The following SEMA6C variants were observed in gnomAD, a reference collection of about 807,000 sequenced individuals.
SEMA6C encodes the protein semaphorin 6C.
Under a neutral mutation model 72.9 loss-of-function variants are expected in SEMA6C, and 37 were observed. The observed-to-expected ratio is 0.51, with a 90% CI of 0.39 to 0.67. The LOEUF (loss-of-function observed/expected upper bound fraction) is 0.67. Among genes scored for constraint, SEMA6C ranks in the 30% least tolerant of loss-of-function variants. The pLI, the probability that SEMA6C is intolerant of heterozygous loss-of-function variation, is 0.00. For missense variants in SEMA6C, 1,189 were observed against 1,263.6 expected, an observed-to-expected ratio of 0.94 and a Z score of 0.89; for synonymous variants, 578 against 554.1, an observed-to-expected ratio of 1.04 and a Z score of -0.61.
chr1:151,137,986 C>T lies in SEMA6C; in HGVS notation c.667G>A (p.Glu223Lys), dbSNP rs1682202374. The part of the protein sequence containing the change: ...SAKYDSKWLR[E>K]PHFVQALEHG... ...CTCCTTTCCCCAGGCCCGCCCTGAC[C>T]TCGGAGCCACTTGGAGTCATACTTG... Residue 223 changes from glutamate (E) to lysine (K), a missense_variant and splice_region_variant, in exon 9 of 19, where the codon GAG (glutamate) becomes AAG (lysine). Physicochemically the swap from Glu to Lys is moderately conservative, Grantham distance 56. Coordinates refer to ENST00000368914, the MANE Select transcript of SEMA6C (RefSeq NM_030913.6). The T allele has an allele frequency of 6.2e-7, 1 of 1,613,538 alleles. No individual in the cohort carries two copies. Among genetic ancestry groups the T allele is most frequent in the Non-Finnish European group, 8.5e-7 (1 of 1,179,658 alleles).
chr1:151,137,114 C>T (rs1052949019), intron 10 of SEMA6C, 40 bp from the exon 11 acceptor site: 1 of 1,564,816 alleles, frequency 6.4e-7, no homozygotes, highest in Non-Finnish European at 8.8e-7. Flanking sequence ...TGAGACAGAC[C>T]CACAGGGCCA....
intron 7 of SEMA6C, 49 bp downstream of exon 7, chr1:151,138,581 C>T (rs587740190): frequency 2.5e-6 from 4 of 1,571,822 alleles, no homozygotes; most frequent in Admixed American, 3.4e-5. Flanking sequence ...CATTGCCCAT[C>T]TTGGGGTCCC....
intron 12 of SEMA6C, 133 bp from the exon 13 acceptor site, chr1:151,136,296 C>T: frequency 2.0e-6 from 3 of 1,466,536 alleles, no homozygotes; most frequent in South Asian, 1.3e-5. Flanking sequence ...TAGCACTGTC[C>T]CCTTCCCTGC....
At position 151,139,704 on chromosome 1, in the gene SEMA6C, G is replaced by GA; in HGVS notation, c.234-4dup. On this transcript the variant is annotated splice_polypyrimidine_tract_variant and splice_region_variant and intron_variant, in intron 4 of 18. Coordinates refer to ENST00000368914, the MANE Select transcript of SEMA6C (RefSeq NM_030913.6). Reference sequence around the variant, plus strand: ...GATCGAAGGAGAAAACGTGATCCCTGAGGGGGTAGGTAAGGAGGGGTCAGA... The same window carrying GA: ...GATCGAAGGAGAAAACGTGATCCCTGAAGGGGGTAGGTAAGGAGGGGTCAGA... The GA allele has an allele frequency of 2.5e-6, 4 of 1,598,838 alleles. No homozygotes were observed. Among genetic ancestry groups the GA allele is most frequent in the Non-Finnish European group, 3.4e-6 (4 of 1,169,868 alleles).
At chr1:151,134,113 C>T in intron 18 of SEMA6C, 5 of 1,232,942 alleles carry the variant, frequency 4.1e-6, no homozygotes, top group Non-Finnish European at 5.6e-6. Flanking sequence ...CCCTGACACC[C>T]TTCCAGGGGT....
In SEMA6C at chr1:151,133,915, G is replaced by A; in HGVS notation, c.1760-398C>T. 7.0e-7 allele frequency: 1 copy of A among 1,435,852 alleles called. No homozygotes were observed. The highest frequency in any genetic ancestry group is 1.2e-5 in the South Asian group (1 of 81,678). 88.9% of individuals were successfully genotyped at this position (1,435,852 alleles called of 1,614,324 possible). On this transcript the variant is annotated intron_variant, in intron 18 of 18. Transcript: ENST00000368914. This position sits in a 1 kb window ranked among gnomAD's most constrained non-coding sequence, Gnocchi z 5.9. ...GGGGCTTAGAACGCTCCGAGAATCA[G>A]CAGCCCCACACTTCACTCCTATCTC...
Position 151,133,322 on chromosome 1 carries a change from C to A in SEMA6C, c.1955G>T (p.Arg652Leu). The A allele has an allele frequency of 6.3e-7, 1 of 1,592,636 alleles. No individual in the cohort carries two copies. The highest frequency in any genetic ancestry group is 8.5e-7 in the Non-Finnish European group (1 of 1,172,512). ...TPGLPRPLSL[R>L]SLARLHGGGP... ...CCCACCGTGGAGCCGGGCCAAACTG[C>A]GGAGGGAGAGAGGGCGCGGGAGCCC... is the stretch of plus-strand genomic sequence containing the variant. The change falls in exon 19 of 19, where the codon CGC becomes CTC. Residue 652 changes from arginine to leucine, a missense_variant. Transcript: ENST00000368914. The surrounding 1 kb of genome is among the most constrained non-coding windows in gnomAD (Gnocchi z 5.9).
Position 151,133,539 on chromosome 1 carries a change from G to A in SEMA6C, c.1760-22C>T. ...ACGCCTGCCGACCGAGAGGGAGGAG[G>A]GAGGCTCAGCCAAGGGGAGGCGGTG... On this transcript the variant is annotated intron_variant, in intron 18 of 18. Coordinates refer to ENST00000368914, the MANE Select transcript of SEMA6C (RefSeq NM_030913.6). This position sits in a 1 kb window ranked among gnomAD's most constrained non-coding sequence, Gnocchi z 5.9. 1 of 1,488,518 alleles carries A rather than the reference G, an allele frequency of 6.7e-7. No individual in the cohort carries two copies. Among genetic ancestry groups the A allele is most frequent in the Non-Finnish European group, 8.9e-7 (1 of 1,122,246 alleles). 92.2% of individuals were successfully genotyped at this position (1,488,518 alleles called of 1,614,324 possible).
chr1:151,144,003 T>C (rs1682759130), intron 2 of SEMA6C, among the ~76,000 whole-genome samples: 1 of 151,646 alleles, frequency 6.6e-6, no homozygotes, highest in East Asian at 1.9e-4. Flanking sequence ...GTGGGGAGGC[T>C]GACGTCAGGT....
chr1:151,137,394 C>A lies in SEMA6C; in HGVS notation c.756+317G>T, dbSNP rs1361263735. Among the ~76,000 whole-genome samples the A allele has an allele frequency of 1.6e-4, 22 of 136,136 alleles. No homozygotes were observed. The Admixed American group carries it at 1.9e-3, about 12-fold the overall frequency. 89.3% of individuals were successfully genotyped at this position (136,136 alleles called of 152,430 possible). ...CCAGGAGGCGGAGCTTGCAGTGAGC[C>A]AAGATGGCGCCACTGCACTCCAGCC... On this transcript the variant is annotated intron_variant, in intron 10 of 18. Coordinates refer to ENST00000368914, the MANE Select transcript of SEMA6C (RefSeq NM_030913.6).
In SEMA6C at chr1:151,142,644, C is replaced by T. The variant is rs1479800511; in HGVS notation, c.-23G>A. On this transcript the variant is annotated 5_prime_UTR_variant, in exon 3 of 19. Transcript: ENST00000368914. ...CATCCTGTGCGGGGCAGCTCAGGCC[C>T]CAGGGGGTGCCCCCTCACCCATAAG... is the stretch of plus-strand genomic sequence containing the variant. 2 of 1,501,586 alleles carry T rather than the reference C, an allele frequency of 1.3e-6. No homozygotes were observed. Among genetic ancestry groups the T allele is most frequent in the South Asian group, 2.7e-5 (2 of 73,894 alleles). The allele number at this position is 1,501,586 out of a possible 1,614,324, so 93.0% of individuals were successfully genotyped here.
At position 151,136,902 on chromosome 1, in the gene SEMA6C, T is replaced by G; in HGVS notation, c.929A>C (p.His310Pro). 1.2e-6 allele frequency: 2 copies of G among 1,613,990 alleles called. No homozygotes were observed. Among genetic ancestry groups the G allele is most frequent in the East Asian group, 2.2e-5 (1 of 44,866 alleles). The change falls in exon 11 of 19, where the codon CAT becomes CCT. Residue 310 changes from histidine (H) to proline (P), a missense_variant. Transcript: ENST00000368914. ...LQALTGPVNL[H>P]GRSALFGVFT... ...GACCCCAAAGAGAGCAGAGCGGCCATGCAGGTTCACAGGCCCAGTCAAGGC... is the reference window on the plus strand; with the variant it reads ...GACCCCAAAGAGAGCAGAGCGGCCAGGCAGGTTCACAGGCCCAGTCAAGGC...
Position 151,139,407 on chromosome 1 carries a change from T to C in SEMA6C, c.354+18A>G. On this transcript the variant is annotated intron_variant, in intron 6 of 18. Coordinates refer to ENST00000368914, the MANE Select transcript of SEMA6C (RefSeq NM_030913.6). ...AGTAATCCTCTCCTTCCCTCCACATTCTCGTCTCACTCCTTACCGTCAGCT... is the reference window on the plus strand; with the variant it reads ...AGTAATCCTCTCCTTCCCTCCACATCCTCGTCTCACTCCTTACCGTCAGCT... 1 of 1,609,716 alleles carries C rather than the reference T, an allele frequency of 6.2e-7. No individual in the cohort carries two copies. The highest frequency in any genetic ancestry group is 8.5e-7 in the Non-Finnish European group (1 of 1,176,010).
rs1681761686 is a variant in SEMA6C at position 151,133,561 on chromosome 1, G to A, written c.1760-44C>T. On this transcript the variant is annotated intron_variant, in intron 18 of 18. Coordinates refer to ENST00000368914, the MANE Select transcript of SEMA6C (RefSeq NM_030913.6). The surrounding 1 kb of genome is among the most constrained non-coding windows in gnomAD (Gnocchi z 5.9). ...GAGGGAGGCTCAGCCAAGGGGAGGC[G>A]GTGCGGGGTACCTAGGCCCAGAGGC... The A allele has an allele frequency of 1.4e-6, 2 of 1,458,950 alleles. No individual in the cohort carries two copies. The highest frequency in any genetic ancestry group is 2.5e-5 in the East Asian group (1 of 39,826). The allele number at this position is 1,458,950 out of a possible 1,614,324, so 90.4% of individuals were successfully genotyped here. A position where few individuals can be genotyped will look rare whatever the true frequency, so the allele number is the denominator to read the frequency against.
In SEMA6C at chr1:151,132,843, GGGGCCT is replaced by G; in HGVS notation, c.2428_2433del (p.Arg810_Pro811del). The G allele has an allele frequency of 7.8e-7, 1 of 1,278,676 alleles. No homozygotes were observed. Among genetic ancestry groups the G allele is most frequent in the Non-Finnish European group, 9.9e-7 (1 of 1,013,600 alleles). The allele number at this position is 1,278,676 out of a possible 1,614,324, so 79.2% of individuals were successfully genotyped here. A position where few individuals can be genotyped will look rare whatever the true frequency, so the allele number is the denominator to read the frequency against. ...AGCCTCAGCGGCGAGGCGCACTCGT[GGGGCCT>G]GGGGCTGGGGCCGCCCAAGAGGGCG... is the stretch of plus-strand genomic sequence containing the variant. On this transcript the variant is annotated inframe_deletion, in exon 19 of 19. Coordinates refer to ENST00000368914, the MANE Select transcript of SEMA6C (RefSeq NM_030913.6).
Position 151,138,304 on chromosome 1 carries a change from C to T in SEMA6C, c.547+12G>A, listed in dbSNP as rs1291880799. ...AGCCACATGCTTTCTTCTCACATGC[C>T]CAGTTGCACACCTGCAAAGATGGCC... On this transcript the variant is annotated intron_variant, in intron 8 of 18. Coordinates refer to ENST00000368914, the MANE Select transcript of SEMA6C (RefSeq NM_030913.6). The T allele has an allele frequency of 6.2e-7, 1 of 1,613,188 alleles. No individual in the cohort carries two copies. The highest frequency in any genetic ancestry group is 1.1e-5 in the South Asian group (1 of 90,884).
Sources: allele counts gnomAD v4.1 joint callset (sites outside exome capture counted in the v4.1 genomes callset), GRCh38; gene constraint gnomAD v4.1.1; non-coding constraint Gnocchi (gnomAD v3.1); transcripts MANE v1.5; gene names NCBI Gene and HGNC (gene_info 2026-07-23, HGNC 2026-07-21).